The following LTN1 variants were observed in gnomAD, a reference collection of about 807,000 sequenced individuals.
The protein encoded by LTN1 is E3 ubiquitin-protein ligase listerin.
LTN1 carries 88 observed loss-of-function variants against 201.2 expected under a neutral mutation model. That is an observed-to-expected ratio of 0.44 (90% CI 0.37 to 0.52). The LOEUF is 0.52. Among genes scored for constraint, LTN1 ranks in the 20% least tolerant of loss-of-function variants. LTN1 has a pLI of 0.00. For synonymous variants in LTN1, 645 were observed against 713.5 expected (o/e 0.90, Z 1.53); for missense variants, 1,752 against 2,038.7 (o/e 0.86, Z 2.71).
chr21:28,953,757 A>C (rs955659957), intron 16 of LTN1, among the ~76,000 whole-genome samples: 1 of 152,188 alleles, frequency 6.6e-6, no homozygotes. Context: ...AATGGGAGAA[A>C]TGGGAGACAG....
intron 25 of LTN1, among the ~76,000 whole-genome samples, chr21:28,937,394 T>A (rs2084265060): frequency 6.6e-6 from 1 of 152,172 alleles, no homozygotes; most frequent in African/African-American, 2.4e-5. Flanking sequence ...TTTTAAAAAA[T>A]TTGTATTTTT....
rs749596835 is a variant in LTN1, at chr21:28,946,290, A to G, written c.3488-3T>C. 9 of 1,540,430 alleles carry G rather than the reference A, an allele frequency of 5.8e-6. No homozygotes were observed. The highest frequency in any genetic ancestry group is 1.7e-4 in the Middle Eastern group (1 of 5,782). On this transcript the variant is annotated splice_polypyrimidine_tract_variant and splice_region_variant and intron_variant, in intron 19 of 29. Transcript: ENST00000361371. ...AATGGCAAGATGTCCAAAACCTCCT[A>G]AAGTAAAATTCAAAATGAAAATTAA...
At chr21:28,964,658 C>A in intron 11 of LTN1, 1 of 1,550,438 alleles carries the variant, frequency 6.4e-7, no homozygotes, top group Non-Finnish European at 8.7e-7. Flanking sequence ...GCTAGTGAGT[C>A]ATGGAAGCGC....
intron 18 of LTN1, among the ~76,000 whole-genome samples, chr21:28,948,138 CT>C (rs370460082): frequency 1 from 120,606 of 120,606 alleles, 60,303 homozygotes; most frequent in Non-Finnish European, 1. Flanking sequence ...GTTCCAGTAG[CT>C]TGAGATTGGG....
At chr21:28,950,487 C>T (rs1290619250) in intron 18 of LTN1, among the ~76,000 whole-genome samples, 1 of 152,054 alleles carries the variant, frequency 6.6e-6, no homozygotes, top group Non-Finnish European at 1.5e-5. Context: ...CAAAAAGTTA[C>T]ATACAGTATG....
Position 28,932,509 on chromosome 21 carries a change from C to T in LTN1, c.5031G>A (p.Arg1677=), listed in dbSNP as rs1047889563. ...AAGTGCTTAACTGCAGCATCCAGTT[C>T]CGCCACTGCTGAACAGCTACTCCTA... ...KRVGVAVQQW[R]NWMLQLSTYL... The change falls in exon 28 of 30, where the codon CGG becomes CGA. Residue 1677 remains arginine (R), a synonymous_variant. Coordinates refer to ENST00000361371, the MANE Select transcript of LTN1 (RefSeq NM_015565.3). 3 of 1,614,022 alleles carry T rather than the reference C, an allele frequency of 1.9e-6. No homozygotes were observed. The highest frequency in any genetic ancestry group is 1.3e-5 in the African/African-American group (1 of 75,040).
At position 28,941,422 on chromosome 21, in the gene LTN1, T is replaced by C; in HGVS notation, c.4296-16A>G. 1 of 1,566,532 alleles carries C rather than the reference T, an allele frequency of 6.4e-7. No homozygotes were observed. Among genetic ancestry groups the C allele is most frequent in the Non-Finnish European group, 8.7e-7 (1 of 1,151,510 alleles). ...TGGTGGTGACCTAAGAATCAATGATTAAACACCACAAGTTTTCTTTATAAT... is the reference window on the plus strand; with the variant it reads ...TGGTGGTGACCTAAGAATCAATGATCAAACACCACAAGTTTTCTTTATAAT... On this transcript the variant is annotated splice_polypyrimidine_tract_variant and intron_variant, in intron 24 of 29. Coordinates refer to ENST00000361371, the MANE Select transcript of LTN1 (RefSeq NM_015565.3).
At chr21:28,931,074 T>G (rs2084207115) in intron 29 of LTN1, 81 bp downstream of exon 29, 1 of 705,024 alleles carries the variant, frequency 1.4e-6, no homozygotes, top group Non-Finnish European at 2.3e-6. Flanking sequence ...TAGGTGTGTG[T>G]GTGTGTGTGT....
At chr21:28,969,847 T>C (rs1342326864) in intron 8 of LTN1, among the ~76,000 whole-genome samples, 1 of 151,854 alleles carries the variant, frequency 6.6e-6, no homozygotes, top group African/African-American at 2.4e-5. Flanking sequence ...ATTTCCTTTT[T>C]CTTTTTCTTC....
In LTN1 at chr21:28,941,288, A is replaced by C; in HGVS notation, c.4414T>G (p.Cys1472Gly). Residue 1472 changes from cysteine to glycine, a missense_variant, in exon 25 of 30, where the codon TGT becomes GGT. Cys to Gly is a radical substitution (Grantham distance 159). Around this residue, in one of 3 missense-constraint regions of LTN1, gnomAD observed 1,211 missense variants for 1,312.8 expected, o/e 0.92. Coordinates refer to ENST00000361371, the MANE Select transcript of LTN1 (RefSeq NM_015565.3). Reference protein sequence around the residue: ...VTIKPLSEDFCYVLGYLLTWK... With the variant: ...VTIKPLSEDFGYVLGYLLTWK... ...GTGAGAAGGTATCCCAGAACATAAC[A>C]GAAGTCTTCACTCAGTGGTTTAATA... 3 of 1,613,510 alleles carry C rather than the reference A, an allele frequency of 1.9e-6. No homozygotes were observed. The highest frequency in any genetic ancestry group is 2.5e-6 in the Non-Finnish European group (3 of 1,179,620).
At chr21:28,956,612 T>C (rs1358056059) in intron 16 of LTN1, 150 bp downstream of exon 16, 1 of 484,030 alleles carries the variant, frequency 2.1e-6, no homozygotes, top group Non-Finnish European at 3.6e-6. Flanking sequence ...ATTCACCACT[T>C]AAGTAACTTC....
rs2084429595 is a variant in LTN1, at chr21:28,956,865, C to T, written c.2976G>A (p.Lys992=). ...FKTDFKEQDI[K]TLPSHLCTSA... is the part of the protein sequence containing the mutation. ...AAGTACACAAATGGCTGGGAAGTGT[C>T]TTTATGTCCTGTTCCTTAAAATCTG... The change falls in exon 16 of 30, where the codon AAG becomes AAA. Residue 992 remains lysine (K), a synonymous_variant. Coordinates refer to ENST00000361371, the MANE Select transcript of LTN1 (RefSeq NM_015565.3). The T allele has an allele frequency of 6.2e-7, 1 of 1,611,578 alleles. No individual in the cohort carries two copies. Among genetic ancestry groups the T allele is most frequent in the Non-Finnish European group, 8.5e-7 (1 of 1,178,270 alleles).
At chr21:28,981,880 T>C (rs1447772797) in intron 5 of LTN1, among the ~76,000 whole-genome samples, 1 of 152,208 alleles carries the variant, frequency 6.6e-6, no homozygotes, top group Non-Finnish European at 1.5e-5. Context: ...TACAGCATTA[T>C]GTTATTTTCA....
chr21:28,934,734 G>A (rs2084240260), intron 27 of LTN1, among the ~76,000 whole-genome samples: 1 of 152,158 alleles, frequency 6.6e-6, no homozygotes, highest in African/African-American at 2.4e-5. Flanking sequence ...TGGGATTACA[G>A]GCATGAGCCA....
intron 6 of LTN1, among the ~76,000 whole-genome samples, chr21:28,976,339 C>A (rs535731794): frequency 6.6e-6 from 1 of 152,114 alleles, no homozygotes; most frequent in Non-Finnish European, 1.5e-5. Context: ...GTGGCTCACA[C>A]CTGTATTCCC....
At position 28,943,908 on chromosome 21, in the gene LTN1, A is replaced by C; in HGVS notation, c.3983-4T>G. The C allele has an allele frequency of 1.9e-6, 3 of 1,584,422 alleles. No individual in the cohort carries two copies. Among genetic ancestry groups the C allele is most frequent in the Non-Finnish European group, 2.6e-6 (3 of 1,153,324 alleles). On this transcript the variant is annotated splice_region_variant and splice_polypyrimidine_tract_variant and intron_variant, in intron 22 of 29. Transcript: ENST00000361371. ...TCAGACACATCTTTGTTTTCTCCTA[A>C]TGACAAAAAGGAAAGAAACATGCAC... is the stretch of plus-strand genomic sequence containing the variant.
rs1448869503 is a variant in LTN1 at position 28,967,088 on chromosome 21, T to C, written c.1403A>G (p.Glu468Gly). 1 of 1,614,048 alleles carries C rather than the reference T, an allele frequency of 6.2e-7. No individual in the cohort carries two copies. Among genetic ancestry groups the C allele is most frequent in the Admixed American group, 1.7e-5 (1 of 59,998 alleles). ...ATCTTTTTCCGTGTCTGCTTTGGCTTCCCAGGAACTTAGAGTTTCTGCTAA... is the reference window on the plus strand; with the variant it reads ...ATCTTTTTCCGTGTCTGCTTTGGCTCCCCAGGAACTTAGAGTTTCTGCTAA... ...NHLAETLSSW[E>G]AKADTEKDEK... Residue 468 changes from glutamate (E) to glycine (G), a missense_variant, in exon 10 of 30, where the codon GAA becomes GGA. Around this residue, in one of 3 missense-constraint regions of LTN1, gnomAD observed 1,211 missense variants for 1,312.8 expected, o/e 0.92. Transcript: ENST00000361371.
rs1469764343 is a variant in LTN1 at position 28,935,244 on chromosome 21, C to T, written c.4740G>A (p.Arg1580=). 2 of 1,613,894 alleles carry T rather than the reference C, an allele frequency of 1.2e-6. No individual in the cohort carries two copies. Among genetic ancestry groups the T allele is most frequent in the East Asian group, 4.5e-5 (2 of 44,890 alleles). Reference sequence around the variant, plus strand: ...GCTTCTCACTGCTATTCCACCACAACCTAACCATGGCAGGCAAGTCTTTTA... The same window carrying T: ...GCTTCTCACTGCTATTCCACCACAATCTAACCATGGCAGGCAAGTCTTTTA... ...MTLKDLPAMV[R]LWWNSSEKRV... The change falls in exon 27 of 30, where the codon AGG becomes AGA. Residue 1580 remains arginine (R), a synonymous_variant. Coordinates refer to ENST00000361371, the MANE Select transcript of LTN1 (RefSeq NM_015565.3).
Position 28,935,127 on chromosome 21 carries a change from T to C in LTN1, c.4857A>G (p.Gln1619=). 3.7e-6 allele frequency: 6 copies of C among 1,609,302 alleles called. No individual in the cohort carries two copies. The highest frequency in any genetic ancestry group is 5.1e-6 in the Non-Finnish European group (6 of 1,175,890). The change falls in exon 27 of 30, where the codon CAA becomes CAG. Residue 1619 remains glutamine (Q), a synonymous_variant. Coordinates refer to ENST00000361371, the MANE Select transcript of LTN1 (RefSeq NM_015565.3). The part of the protein sequence containing the change: ...QEISSVQTST[Q]LFNGMTVKAR... ...TACTAACCGTCATGCCATTAAATAG[T>C]TGTGTACTTGTTTGTACAGAAGATA... is the stretch of plus-strand genomic sequence containing the variant.
Sources: gnomAD v4.1 joint callset for allele counts (sites outside exome capture counted in the v4.1 genomes callset) on GRCh38, gnomAD v4.1.1 for gene constraint, gnomAD v4.1.1 regional missense constraint, MANE v1.5 for transcripts, NCBI Gene and HGNC (gene_info 2026-07-23, HGNC 2026-07-21) for gene names.